TMPRSS9: variants seen among roughly 807,000 people sequenced by gnomAD.
The protein encoded by TMPRSS9 is transmembrane serine protease 9.
A neutral mutation model predicts 111.4 loss-of-function variants in TMPRSS9; 113 were observed. The ratio of observed to expected loss-of-function variants is 1.01; its 90% CI spans 0.87 to 1.19. The LOEUF is 1.19. Among genes scored for constraint, TMPRSS9 ranks in the 50% most tolerant of loss-of-function variants. The pLI, the probability that TMPRSS9 is intolerant of heterozygous loss-of-function variation, is 0.00. For missense variants in TMPRSS9, 1,803 were observed against 1,513.1 expected, an observed-to-expected ratio of 1.19 and a Z score of -3.18; for synonymous variants, 805 against 659.1, an observed-to-expected ratio of 1.22 and a Z score of -3.39.
chr19:2,363,520 G>A (rs1263466858), intron 1 of TMPRSS9, among the ~76,000 whole-genome samples: 2 of 151,672 alleles, frequency 1.3e-5, no homozygotes, highest in East Asian at 2.0e-4. Context: ...GGGGGGTGGG[G>A]GGACAGGCGA....
intron 1 of TMPRSS9, among the ~76,000 whole-genome samples, chr19:2,371,378 C>T (rs1970289269): frequency 6.6e-6 from 1 of 152,146 alleles, no homozygotes; most frequent in African/African-American, 2.4e-5. Flanking sequence ...CCAGATGTCC[C>T]AGGTTCCAGG....
intron 17 of TMPRSS9, 116 bp from the exon 19 acceptor site, chr19:2,425,811 T>G: frequency 7.2e-7 from 1 of 1,394,736 alleles, no homozygotes; most frequent in Non-Finnish European, 9.5e-7. Flanking sequence ...TTCCAGATAG[T>G]GAAAATGCGG....
chr19:2,424,134 G>C, exon 15 of TMPRSS9: 2 of 1,412,772 alleles, frequency 1.4e-6, no homozygotes, highest in Non-Finnish European at 1.9e-6. Context: ...GTGGGCGGCA[G>C]CGCAGCGGGC....
intron 3 of TMPRSS9, 32 bp from the exon 5 acceptor site, chr19:2,398,986 C>T (rs760967797): frequency 1.9e-6 from 3 of 1,599,218 alleles, no homozygotes; most frequent in African/African-American, 2.7e-5. Context: ...GGAGCCCCTC[C>T]CTCTCCAAGG....
At chr19:2,418,398 G>T (rs530130618) in intron 13 of TMPRSS9, among the ~76,000 whole-genome samples, 3 of 6,466 alleles carry the variant, frequency 4.6e-4, no homozygotes, top group African/African-American at 1.8e-3. Context: ...TCCCTCCCTG[G>T]CCTTTCCTTC....
intron 13 of TMPRSS9, among the ~76,000 whole-genome samples, chr19:2,419,555 C>T (rs1420226674): frequency 4.7e-5 from 7 of 149,772 alleles, no homozygotes; most frequent in African/African-American, 9.9e-5. Flanking sequence ...CTTACTCTGT[C>T]GCCCAGGCTG....
chr19:2,393,183 A>C (rs1273034651), intron 1 of TMPRSS9, among the ~76,000 whole-genome samples: 1 of 152,144 alleles, frequency 6.6e-6, no homozygotes, highest in African/African-American at 2.4e-5. Context: ...CACAGTGTAG[A>C]GGATTTGTTT....
chr19:2,360,837 G>A (rs968449900), intron 1 of TMPRSS9, among the ~76,000 whole-genome samples: 2 of 150,832 alleles, frequency 1.3e-5, no homozygotes, highest in African/African-American at 2.5e-5. Flanking sequence ...TGTATCTAGC[G>A]TGTGTAGATG....
At chr19:2,406,414 C>A (rs2145342647) in intron 7 of TMPRSS9, among the ~76,000 whole-genome samples, 1 of 152,094 alleles carries the variant, frequency 6.6e-6, no homozygotes, top group Admixed American at 6.6e-5. Context: ...GCAACCTCCA[C>A]CTCCTGGGAT....
intron 5 of TMPRSS9, among the ~76,000 whole-genome samples, chr19:2,402,585 A>G (rs1328818511): frequency 6.6e-6 from 1 of 151,960 alleles, no homozygotes; most frequent in African/African-American, 2.4e-5. Context: ...CTAAAAATAC[A>G]AAATTAGCCA....
chr19:2,408,500 G>C (rs1203483938), exon 8 of TMPRSS9: 3 of 1,613,928 alleles, frequency 1.9e-6, no homozygotes, highest in Non-Finnish European at 2.5e-6. Flanking sequence ...ACGTGGCTGT[G>C]CTGGAGCTGA....
intron 1 of TMPRSS9, among the ~76,000 whole-genome samples, chr19:2,368,792 T>G (rs1201122740): frequency 8.3e-6 from 1 of 120,656 alleles, no homozygotes; most frequent in African/African-American, 3.7e-5. Flanking sequence ...TTTTTTTTTT[T>G]TTTTTTTTTA....
At chr19:2,417,947 G>C in intron 12 of TMPRSS9, 55 bp from the exon 14 acceptor site, 1 of 1,605,814 alleles carries the variant, frequency 6.2e-7, no homozygotes, top group Non-Finnish European at 8.5e-7. Context: ...GAGCGGAACT[G>C]GAGCTGCTCT....
rs73919623 is a variant in TMPRSS9, at chr19:2,375,397, T to C, written c.-25-14364T>C. ...GCCCTGTGATTGCTAGGTCAGGGTC[T>C]AGTGTGGACCAATCACTGATGGGGA... On this transcript the variant is annotated intron_variant, in intron 1 of 17. Transcript: ENST00000649857. Among the ~76,000 whole-genome samples, 304 of 121,382 alleles carry C rather than the reference T, an allele frequency of 2.5e-3. 2 individuals are homozygous for C. The highest frequency in any genetic ancestry group is 9.5e-3 in the African/African-American group (202 of 21,368). The allele number at this position is 121,382 out of a possible 152,430, so 79.6% of individuals were successfully genotyped here. A position where few individuals can be genotyped will look rare whatever the true frequency, so the allele number is the denominator to read the frequency against.
In TMPRSS9 at chr19:2,399,007, C is replaced by T; in HGVS notation, c.339-11C>T. 1 of 1,608,210 alleles carries T rather than the reference C, an allele frequency of 6.2e-7. No individual in the cohort carries two copies. On this transcript the variant is annotated splice_polypyrimidine_tract_variant and intron_variant, in intron 3 of 17. Transcript: ENST00000648592. ...CCTCCCTCTCCAAGGGCCTCTCCTCCATACCTGTAGGGATGGGAACTCCAG... is the reference window on the plus strand; with the variant it reads ...CCTCCCTCTCCAAGGGCCTCTCCTCTATACCTGTAGGGATGGGAACTCCAG...
chr19:2,377,719 CTT>C (rs1450532868), intron 1 of TMPRSS9, among the ~76,000 whole-genome samples: 82 of 37,698 alleles, frequency 2.2e-3, no homozygotes, highest in African/African-American at 0.017. Context: ...CTCTCTCTCT[CTT>C]TATTTTTTTC....
chr19:2,425,700 G>A (rs1971606231), intron 17 of TMPRSS9: 17 of 1,205,814 alleles, frequency 1.4e-5, no homozygotes, highest in South Asian at 5.4e-5. Flanking sequence ...CCCGGGCCTC[G>A]GCGGCAGAGC....
chr19:2,418,074 A>G, exon 13 of TMPRSS9: 3 of 1,612,350 alleles, frequency 1.9e-6, no homozygotes, highest in East Asian at 4.5e-5. Flanking sequence ...GTGCTCTACA[A>G]CTTCTCCCTC....
At chr19:2,402,550 A>C (rs1970873392) in intron 5 of TMPRSS9, among the ~76,000 whole-genome samples, 1 of 151,762 alleles carries the variant, frequency 6.6e-6, no homozygotes, top group Admixed American at 6.6e-5. Context: ...GACCAGCCTG[A>C]CCAACATGGA....
Sources: gnomAD v4.1 joint callset for allele counts (sites outside exome capture counted in the v4.1 genomes callset) on GRCh38, gnomAD v4.1.1 for gene constraint, MANE v1.5 for transcripts, NCBI Gene and HGNC (gene_info 2026-07-23, HGNC 2026-07-21) for gene names.